UPF2: variants seen among roughly 807,000 people sequenced by gnomAD.
The protein encoded by UPF2 is UPF2 regulator of nonsense mediated mRNA decay.
Under a neutral mutation model 141.4 loss-of-function variants are expected in UPF2, and 17 were observed. The ratio of observed to expected loss-of-function variants is 0.12; its 90% CI spans 0.08 to 0.18. The LOEUF (loss-of-function observed/expected upper bound fraction) is 0.18. UPF2 is among the 10% of genes least tolerant of loss of function. The probability of loss-of-function intolerance (pLI) is 1.00; values close to 1 mark genes in which losing one functional copy is unlikely to be tolerated. For synonymous variants in UPF2, 540 were observed against 498.0 expected, an observed-to-expected ratio of 1.08 and a Z score of -1.12; for missense variants, 1,152 against 1,515.9, an observed-to-expected ratio of 0.76 and a Z score of 3.99.
In UPF2 at chr10:11,979,723, G is replaced by A. The variant is rs1274943810; in HGVS notation, c.1845-558C>T. ...AGATCAAGACTATCCTGGCTAACAC[G>A]GTGAAACCCCGTCTCTACTAAAAAT... On this transcript the variant is annotated intron_variant, in intron 8 of 21. Transcript: ENST00000357604. This position sits in a 1 kb window ranked among gnomAD's most constrained non-coding sequence, Gnocchi z 6.2. Among the ~76,000 whole-genome samples the A allele has an allele frequency of 2.0e-5, 3 of 152,104 alleles. No homozygotes were observed. The highest frequency in any genetic ancestry group is 4.8e-5 in the African/African-American group (2 of 41,406).
rs1327481189 is a variant in UPF2 at position 11,980,440 on chromosome 10, G to A, written c.1845-1275C>T. Among the ~76,000 whole-genome samples, 3 of 152,068 alleles carry A rather than the reference G, an allele frequency of 2.0e-5. No homozygotes were observed. Among genetic ancestry groups the A allele is most frequent in the Non-Finnish European group, 4.4e-5 (3 of 68,006 alleles). On this transcript the variant is annotated intron_variant, in intron 8 of 21. Coordinates refer to ENST00000357604, the MANE Select transcript of UPF2 (RefSeq NM_015542.4). The surrounding 1 kb of genome is among the most constrained non-coding windows in gnomAD (Gnocchi z 4.2). ...TTAGAACAGACACAAATAATCATAC[G>A]AGTCTTAATTATCGCTGAGTGGAGG...
At chr10:11,961,979 G>A (rs1383760211) in intron 11 of UPF2, among the ~76,000 whole-genome samples, 2 of 152,118 alleles carry the variant, frequency 1.3e-5, no homozygotes, top group Non-Finnish European at 2.9e-5. Context: ...ATTAGTGAAT[G>A]CCTGTTACAT....
At position 11,921,102 on chromosome 10, in the gene UPF2, T is replaced by G. The variant is rs1320952712; in HGVS notation, c.*196A>C. The G allele has an allele frequency of 6.2e-6, 5 of 805,990 alleles. No individual in the cohort carries two copies. Among genetic ancestry groups the G allele is most frequent in the South Asian group, 5.4e-5 (4 of 74,364 alleles). The allele number at this position is 805,990 out of a possible 1,614,324, so 49.9% of individuals were successfully genotyped here. A position where few individuals can be genotyped will look rare whatever the true frequency, so the allele number is the denominator to read the frequency against. ...TACAAAAGGCCTTTTCCGCCTTGTC[T>G]GGAAGCGTCGGCTTGTTCCGGTGTT... On this transcript the variant is annotated 3_prime_UTR_variant, in exon 22 of 22. Transcript: ENST00000357604. The surrounding 1 kb of genome is among the most constrained non-coding windows in gnomAD (Gnocchi z 5.9).
In UPF2 at chr10:11,959,793, G is replaced by A. The variant is rs1833211506; in HGVS notation, c.2185-437C>T. 1.3e-5 allele frequency among the ~76,000 whole-genome samples: 2 copies of A among 152,160 alleles called. No individual in the cohort carries two copies. The highest frequency in any genetic ancestry group is 3.4e-3 in the Middle Eastern group (1 of 292). ...AAACAAAAACACACAGAGAGGTGGG[G>A]GTGGTGAGACAAAAACAATCAACAG... is the stretch of plus-strand genomic sequence containing the variant. On this transcript the variant is annotated intron_variant, in intron 11 of 21. Transcript: ENST00000357604. The surrounding 1 kb of genome is among the most constrained non-coding windows in gnomAD (Gnocchi z 5.9).
intron 14 of UPF2, among the ~76,000 whole-genome samples, chr10:11,952,720 C>T (rs531944117): frequency 3.3e-5 from 5 of 152,008 alleles, no homozygotes; most frequent in East Asian, 3.9e-4. Context: ...GTGATCCGCC[C>T]GCCTTGGCCT....
At chr10:12,033,619 G>A (rs1834567894) in intron 2 of UPF2, among the ~76,000 whole-genome samples, 1 of 151,990 alleles carries the variant, frequency 6.6e-6, no homozygotes, top group Non-Finnish European at 1.5e-5. Flanking sequence ...TCATTTTAGA[G>A]ATCAATAAAA....
intron 20 of UPF2, 128 bp from the exon 21 acceptor site, chr10:11,930,113 C>A: frequency 7.6e-7 from 1 of 1,307,646 alleles, no homozygotes; most frequent in Non-Finnish European, 1.0e-6. Flanking sequence ...AGAAAAATAG[C>A]CATTATACAG....
intron 16 of UPF2, among the ~76,000 whole-genome samples, chr10:11,944,330 C>T (rs903936704): frequency 2.0e-5 from 3 of 152,100 alleles, no homozygotes; most frequent in Non-Finnish European, 2.9e-5. Flanking sequence ...CCCGTCTCTA[C>T]TAAAAATACA....
chr10:11,997,385 C>A (rs1232109899), intron 8 of UPF2, among the ~76,000 whole-genome samples: 3 of 8,606 alleles, frequency 3.5e-4, no homozygotes, highest in African/African-American at 3.7e-4. Flanking sequence ...TCCTCAGAGG[C>A]AAAAATGCAA....
intron 9 of UPF2, among the ~76,000 whole-genome samples, chr10:11,973,201 C>T (rs1046888941): frequency 4.6e-5 from 7 of 152,202 alleles, no homozygotes; most frequent in Admixed American, 1.3e-4. Context: ...AGTGTCTATT[C>T]ATATCCTTTG....
At chr10:12,041,885 TA>T (rs1834740838) in intron 1 of UPF2, among the ~76,000 whole-genome samples, 1 of 152,156 alleles carries the variant, frequency 6.6e-6, no homozygotes, top group East Asian at 1.9e-4. Context: ...TCGTGTCGTG[TA>T]AGTCCTCTAA....
At chr10:11,981,655 T>C (rs1217856402) in intron 8 of UPF2, among the ~76,000 whole-genome samples, 3 of 149,428 alleles carry the variant, frequency 2.0e-5, no homozygotes, top group African/African-American at 7.4e-5. Context: ...TCTAAAGATA[T>C]TACAAAAATA....
chr10:11,985,415 A>G (rs1361365399), intron 8 of UPF2, among the ~76,000 whole-genome samples: 7 of 152,120 alleles, frequency 4.6e-5, no homozygotes, highest in Non-Finnish European at 7.4e-5. Flanking sequence ...AGGCTGGCGG[A>G]TCACGAGGTC....
At chr10:12,024,367 TG>T (rs1318630581) in intron 3 of UPF2, among the ~76,000 whole-genome samples, 1 of 152,168 alleles carries the variant, frequency 6.6e-6, no homozygotes, top group East Asian at 1.9e-4. Context: ...CCCAGCACTT[TG>T]GGAGACCAAG....
intron 21 of UPF2, among the ~76,000 whole-genome samples, chr10:11,924,204 G>A (rs1832682388): frequency 6.6e-6 from 1 of 152,144 alleles, no homozygotes; most frequent in Non-Finnish European, 1.5e-5. Context: ...TTTAATTTAT[G>A]TCCTTATTTC....
chr10:11,947,311 T>C (rs916701545), intron 16 of UPF2, among the ~76,000 whole-genome samples: 4 of 152,212 alleles, frequency 2.6e-5, no homozygotes, highest in African/African-American at 7.2e-5. Flanking sequence ...TTTAACTTAA[T>C]AGTCATAGAT....
intron 11 of UPF2, among the ~76,000 whole-genome samples, chr10:11,962,459 C>T (rs1240177486): frequency 6.6e-6 from 1 of 152,090 alleles, no homozygotes; most frequent in African/African-American, 2.4e-5. Context: ...CCTTATATCT[C>T]ACCACCAAGT....
At chr10:11,967,480 T>C (rs751167287) in intron 9 of UPF2, 26 bp from the exon 10 acceptor site, 18 of 1,360,488 alleles carry the variant, frequency 1.3e-5, no homozygotes, top group Non-Finnish European at 1.7e-5. Flanking sequence ...GAAAAGATAA[T>C]GCTTAATCAA....
intron 8 of UPF2, among the ~76,000 whole-genome samples, chr10:11,986,259 G>T (rs991089070): frequency 6.6e-6 from 1 of 152,096 alleles, no homozygotes; most frequent in South Asian, 2.1e-4. Context: ...AATGAACGAT[G>T]AATCACTTTA....
Sources: allele counts gnomAD v4.1 joint callset (sites outside exome capture counted in the v4.1 genomes callset), GRCh38; gene constraint gnomAD v4.1.1; non-coding constraint Gnocchi (gnomAD v3.1); transcripts MANE v1.5; gene names NCBI Gene and HGNC (gene_info 2026-07-23, HGNC 2026-07-21).